Variants in GPM6A observed in about 807,000 individuals in gnomAD.
GPM6A encodes glycoprotein M6A.
A neutral mutation model predicts 32.1 loss-of-function variants in GPM6A; 7 were observed. That is an observed-to-expected ratio of 0.22 (90% CI 0.12 to 0.41). GPM6A has a LOEUF of 0.41. GPM6A is among the 10% of genes least tolerant of loss of function. The pLI is 1.00. For missense variants in GPM6A, 235 were observed against 347.2 expected, an observed-to-expected ratio of 0.68 and a Z score of 2.57; for synonymous variants, 130 against 123.4, an observed-to-expected ratio of 1.05 and a Z score of -0.35.
intron 1 of GPM6A, among the ~76,000 whole-genome samples, chr4:175,810,397 C>A (rs1369192411): frequency 6.6e-6 from 1 of 151,984 alleles, no homozygotes; most frequent in East Asian, 1.9e-4. Flanking sequence ...AACGTTTTTT[C>A]TGATTTAAAA....
intron 1 of GPM6A, among the ~76,000 whole-genome samples, chr4:175,857,844 T>C (rs1736460581): frequency 6.6e-6 from 1 of 152,166 alleles, no homozygotes. Context: ...CCACGTATAT[T>C]CATGAATATA....
intron 1 of GPM6A, among the ~76,000 whole-genome samples, chr4:175,844,267 T>C (rs1736024573): frequency 6.6e-6 from 1 of 152,210 alleles, no homozygotes; most frequent in Non-Finnish European, 1.5e-5. Context: ...TTTATGTTCC[T>C]TTTTCTGAAC....
intron 1 of GPM6A, among the ~76,000 whole-genome samples, chr4:175,847,592 A>T (rs7673922): frequency 6.6e-6 from 1 of 151,772 alleles, no homozygotes; most frequent in African/African-American, 2.4e-5. Context: ...CTTAATAATG[A>T]CCCAAAGCAC....
intron 1 of GPM6A, among the ~76,000 whole-genome samples, chr4:175,772,954 C>T (rs1733250162): frequency 6.6e-6 from 1 of 152,182 alleles, no homozygotes; most frequent in African/African-American, 2.4e-5. Flanking sequence ...AATAATTCAC[C>T]TTAGGTCTTG....
At chr4:175,723,172 C>G (rs1421221978) in intron 1 of GPM6A, among the ~76,000 whole-genome samples, 1 of 152,146 alleles carries the variant, frequency 6.6e-6, no homozygotes, top group African/African-American at 2.4e-5. Flanking sequence ...ATTTTTCTTT[C>G]ACTTGACAAG....
intron 1 of GPM6A, among the ~76,000 whole-genome samples, chr4:175,884,140 T>C (rs2111462803): frequency 6.6e-6 from 1 of 152,326 alleles, no homozygotes; most frequent in South Asian, 2.1e-4. Flanking sequence ...TTGTCCCTGG[T>C]TATTGAATAT....
At chr4:175,860,416 C>T (rs1330967844) in intron 1 of GPM6A, among the ~76,000 whole-genome samples, 1 of 152,020 alleles carries the variant, frequency 6.6e-6, no homozygotes, top group Non-Finnish European at 1.5e-5. Context: ...ATTCTATGAA[C>T]AATTCTATGC....
At chr4:175,714,852 A>G (rs533844819) in intron 1 of GPM6A, among the ~76,000 whole-genome samples, 26 of 152,118 alleles carry the variant, frequency 1.7e-4, no homozygotes, top group South Asian at 8.3e-4. Context: ...TTGATTAATT[A>G]AACTTGTTCC....
chr4:175,842,150 G>T (rs181526811), intron 1 of GPM6A, among the ~76,000 whole-genome samples: 3 of 151,960 alleles, frequency 2.0e-5, no homozygotes, highest in Non-Finnish European at 4.4e-5. Context: ...TTTCCCTATG[G>T]TAACAGCAAT....
At chr4:175,993,829 G>C (rs1741223381) in intron 1 of GPM6A, among the ~76,000 whole-genome samples, 2 of 152,238 alleles carry the variant, frequency 1.3e-5, no homozygotes, top group South Asian at 4.1e-4. Context: ...TGACATACCA[G>C]ACACAGAGAG....
chr4:175,882,303 C>T (rs909883907), intron 1 of GPM6A, among the ~76,000 whole-genome samples: 2 of 151,862 alleles, frequency 1.3e-5, no homozygotes, highest in Admixed American at 6.6e-5. Context: ...TTAATGGTAG[C>T]TGACAGAGCT....
chr4:175,970,795 T>G (rs1353439159), intron 1 of GPM6A: 2 of 433,876 alleles, frequency 4.6e-6, no homozygotes, highest in African/African-American at 2.1e-5. Flanking sequence ...GATTTTATTT[T>G]TCTTTGTCAC....
chr4:175,708,258 A>C (rs1460117228), intron 1 of GPM6A, among the ~76,000 whole-genome samples: 1 of 152,214 alleles, frequency 6.6e-6, no homozygotes, highest in African/African-American at 2.4e-5. Flanking sequence ...TATCAGTTTC[A>C]ATTTCTGATA....
chr4:175,717,952 A>G (rs945371935), intron 1 of GPM6A, among the ~76,000 whole-genome samples: 18 of 152,218 alleles, frequency 1.2e-4, no homozygotes, highest in South Asian at 2.1e-4. Flanking sequence ...AACTTTAAAC[A>G]GTATATAAAA....
intron 1 of GPM6A, among the ~76,000 whole-genome samples, chr4:175,704,325 A>T (rs1040398418): frequency 5.9e-5 from 9 of 151,738 alleles, no homozygotes; most frequent in African/African-American, 2.2e-4. Flanking sequence ...TTTCTCTCAC[A>T]CACACACACA....
At chr4:175,707,463 G>A (rs1223678456) in intron 1 of GPM6A, among the ~76,000 whole-genome samples, 1 of 151,972 alleles carries the variant, frequency 6.6e-6, no homozygotes, top group African/African-American at 2.4e-5. Context: ...TAACTCATTG[G>A]GATTCTGATT....
At chr4:175,740,568 A>C (rs1171092012) in intron 1 of GPM6A, among the ~76,000 whole-genome samples, 1 of 152,078 alleles carries the variant, frequency 6.6e-6, no homozygotes, top group African/African-American at 2.4e-5. Flanking sequence ...AATTAATTGA[A>C]TATATCTTAA....
intron 1 of GPM6A, among the ~76,000 whole-genome samples, chr4:175,837,690 C>T (rs71613764): frequency 1.6e-4 from 24 of 152,264 alleles, no homozygotes; most frequent in African/African-American, 2.4e-4. Flanking sequence ...ACAGGGACAA[C>T]GGCAAGAGGA....
At chr4:175,741,573 CA>C (rs1394980512) in intron 1 of GPM6A, among the ~76,000 whole-genome samples, 14 of 152,082 alleles carry the variant, frequency 9.2e-5, no homozygotes, top group Admixed American at 9.2e-4. Context: ...CAAAACATAA[CA>C]AGCTCCTTAA....
Sources: allele counts gnomAD v4.1 joint callset (sites outside exome capture counted in the v4.1 genomes callset), GRCh38; gene constraint gnomAD v4.1.1; transcripts MANE v1.5; gene names NCBI Gene and HGNC (gene_info 2026-07-23, HGNC 2026-07-21).